Variants in SULF1 observed in about 807,000 individuals in gnomAD.
SULF1 encodes sulfatase 1.
A neutral mutation model predicts 110.5 loss-of-function variants in SULF1; 46 were observed. The ratio of observed to expected loss-of-function variants is 0.42; its 90% CI spans 0.33 to 0.53. SULF1 has a LOEUF of 0.53. Ranked by LOEUF, SULF1 falls within the 20% of genes least tolerant of loss-of-function variation. The pLI is 0.12. For missense variants in SULF1, 941 were observed against 1,094.2 expected, an observed-to-expected ratio of 0.86 and a Z score of 1.98; for synonymous variants, 371 against 387.1, an observed-to-expected ratio of 0.96 and a Z score of 0.49.
In SULF1 at chr8:69,540,290, C is replaced by T. The variant is rs190917532; in HGVS notation, c.-133-23249C>T. On this transcript the variant is annotated intron_variant, in intron 3 of 22. Coordinates refer to ENST00000402687, the MANE Select transcript of SULF1 (RefSeq NM_001128205.2). ...CACTTTTCTTTCTAACACAATGACACGGATTATTTTCTACAAATAGAGAAC... is the reference window on the plus strand; with the variant it reads ...CACTTTTCTTTCTAACACAATGACATGGATTATTTTCTACAAATAGAGAAC... Among the ~76,000 whole-genome samples, 174 of 152,240 alleles carry T rather than the reference C, an allele frequency of 1.1e-3. 1 individual carries two copies. The highest frequency in any genetic ancestry group is 3.4e-4 in the Non-Finnish European group (23 of 68,022).
In SULF1 at chr8:69,658,891, T is replaced by C. The variant is rs1251510417; in HGVS notation, c.*356T>C. 2.0e-6 allele frequency: 1 copy of C among 496,594 alleles called. No homozygotes were observed. The highest frequency in any genetic ancestry group is 1.9e-5 in the African/African-American group (1 of 51,812). The allele number at this position is 496,594 out of a possible 1,614,324, so 30.8% of individuals were successfully genotyped here. A position where few individuals can be genotyped will look rare whatever the true frequency, so the allele number is the denominator to read the frequency against. On this transcript the variant is annotated 3_prime_UTR_variant, in exon 23 of 23. Coordinates refer to ENST00000402687, the MANE Select transcript of SULF1 (RefSeq NM_001128205.2). The stretch of plus-strand genomic sequence containing the variant: ...AACCCTGCATTTGAACCGACCAACA[T>C]TAAGTCCAGAGAGTAAACTTGAATG...
chr8:69,550,746 C>A (rs1446051218), intron 3 of SULF1, among the ~76,000 whole-genome samples: 1 of 152,134 alleles, frequency 6.6e-6, no homozygotes, highest in Non-Finnish European at 1.5e-5. Flanking sequence ...GGTATCAGAC[C>A]ACGTGTCCCA....
At chr8:69,480,857 G>A (rs1809487933) in intron 1 of SULF1, among the ~76,000 whole-genome samples, 2 of 145,170 alleles carry the variant, frequency 1.4e-5, no homozygotes, top group African/African-American at 5.1e-5. Context: ...ATGGACACAG[G>A]AAGGGGAACA....
chr8:69,582,688 GA>G (rs3059986), intron 6 of SULF1, among the ~76,000 whole-genome samples: 38,905 of 136,566 alleles, frequency 0.28, 5,349 homozygotes, highest in South Asian at 0.33. Flanking sequence ...TGCCTTCTTG[GA>G]AAAAAAAAAA....
At chr8:69,599,969 A>G (rs76999716) in intron 8 of SULF1, among the ~76,000 whole-genome samples, 153 of 152,338 alleles carry the variant, frequency 1.0e-3, no homozygotes, top group African/African-American at 3.5e-3. Context: ...CCCTGCACCT[A>G]TATTGATTTG....
At chr8:69,568,884 A>G (rs1490015827) in intron 5 of SULF1, among the ~76,000 whole-genome samples, 1 of 152,208 alleles carries the variant, frequency 6.6e-6, no homozygotes, top group Non-Finnish European at 1.5e-5. Context: ...TATATATCTG[A>G]AAGAATATAA....
At chr8:69,496,348 A>G (rs960073785) in intron 2 of SULF1, among the ~76,000 whole-genome samples, 2 of 152,244 alleles carry the variant, frequency 1.3e-5, no homozygotes, top group Admixed American at 1.3e-4. Flanking sequence ...GAAAGATAGC[A>G]TTTGATAACA....
chr8:69,501,922 G>C lies in SULF1; in HGVS notation c.-180G>C, dbSNP rs1430546277. 1 of 152,206 alleles carries C rather than the reference G, an allele frequency of 6.6e-6. No individual in the cohort carries two copies. Among genetic ancestry groups the C allele is most frequent in the Non-Finnish European group, 1.5e-5 (1 of 68,046 alleles). The allele number at this position is 152,206 out of a possible 1,614,324, so 9.4% of individuals were successfully genotyped here. ...TCTAAAGAAGATAAACTTGGCAAAT[G>C]ACATGCAGGTTCTTCAAGGCAGAAT... On this transcript the variant is annotated 5_prime_UTR_variant, in exon 3 of 23. It removes an upstream start codon present in the reference 5' UTR. Coordinates refer to ENST00000402687, the MANE Select transcript of SULF1 (RefSeq NM_001128205.2).
chr8:69,526,867 AGGAAG>A (rs145918345), intron 3 of SULF1, among the ~76,000 whole-genome samples: 5,521 of 148,708 alleles, frequency 0.037, 120 homozygotes, highest in Middle Eastern at 0.068. Flanking sequence ...GGAAAGAAGG[AGGAAG>A]GGAAGGGAAG....
chr8:69,523,433 A>G (rs1487475312), intron 3 of SULF1, among the ~76,000 whole-genome samples: 2 of 152,068 alleles, frequency 1.3e-5, no homozygotes, highest in Non-Finnish European at 2.9e-5. Flanking sequence ...GCAATAAAGT[A>G]TGTTTGCGAG....
In SULF1 at chr8:69,631,241, A is replaced by G. The variant is rs901994998; in HGVS notation, c.2284+1562A>G. Among the ~76,000 whole-genome samples the G allele has an allele frequency of 2.0e-5, 3 of 152,182 alleles. No homozygotes were observed. In the East Asian group the frequency reaches 5.8e-4, roughly 29 times the overall value. On this transcript the variant is annotated intron_variant, in intron 19 of 22. Transcript: ENST00000402687. Reference sequence around the variant, plus strand: ...CTGAAGCATTGCAAAACACAGGGTTATAGTTGCTTATGGCAGAAGGAGGCC... The same window carrying G: ...CTGAAGCATTGCAAAACACAGGGTTGTAGTTGCTTATGGCAGAAGGAGGCC...
intron 15 of SULF1, among the ~76,000 whole-genome samples, chr8:69,625,769 T>C (rs115366078): frequency 0.012 from 1,791 of 152,224 alleles, 45 homozygotes; most frequent in African/African-American, 0.041. Context: ...GAACGGAGCT[T>C]CCACAGTGTG....
chr8:69,606,062 A>G (rs759168884), intron 13 of SULF1, among the ~76,000 whole-genome samples: 25 of 152,266 alleles, frequency 1.6e-4, no homozygotes, highest in Non-Finnish European at 3.1e-4. Context: ...TGTCAGGCTC[A>G]TGGAATGAGT....
At chr8:69,514,779 G>T (rs1586275110) in intron 3 of SULF1, among the ~76,000 whole-genome samples, 2 of 152,224 alleles carry the variant, frequency 1.3e-5, no homozygotes, top group Non-Finnish European at 1.5e-5. Flanking sequence ...CCAAAAGGGA[G>T]AAATCAGCCA....
intron 3 of SULF1, among the ~76,000 whole-genome samples, chr8:69,559,494 A>G (rs1433803962): frequency 6.6e-6 from 1 of 152,220 alleles, no homozygotes; most frequent in Non-Finnish European, 1.5e-5. Context: ...GTAGTATACA[A>G]GTTTTCCAGA....
At chr8:69,579,675 A>G (rs547664303) in intron 6 of SULF1, among the ~76,000 whole-genome samples, 1 of 152,340 alleles carries the variant, frequency 6.6e-6, no homozygotes, top group Admixed American at 6.5e-5. Context: ...GGAAGTAAAA[A>G]TGTCTTCATG....
At chr8:69,528,179 A>T (rs1209055175) in intron 3 of SULF1, among the ~76,000 whole-genome samples, 3 of 152,184 alleles carry the variant, frequency 2.0e-5, no homozygotes, top group Admixed American at 2.0e-4. Flanking sequence ...TCAGAGTTTC[A>T]GGGAGATTTT....
intron 3 of SULF1, among the ~76,000 whole-genome samples, chr8:69,514,229 C>T (rs1811772656): frequency 6.6e-6 from 1 of 152,186 alleles, no homozygotes; most frequent in Non-Finnish European, 1.5e-5. Flanking sequence ...AATTGACCGA[C>T]AGTTCTGCAG....
intron 5 of SULF1, among the ~76,000 whole-genome samples, chr8:69,566,667 A>G (rs1230149620): frequency 1.3e-5 from 2 of 152,176 alleles, no homozygotes; most frequent in Non-Finnish European, 2.9e-5. Context: ...CCTGGCCAAC[A>G]TAGTGAAACC....
Sources: gnomAD v4.1 joint callset for allele counts (sites outside exome capture counted in the v4.1 genomes callset) on GRCh38, gnomAD v4.1.1 for gene constraint, MANE v1.5 for transcripts, NCBI Gene and HGNC (gene_info 2026-07-23, HGNC 2026-07-21) for gene names.